The following PTPRN2 variants were observed in gnomAD, a reference collection of about 807,000 sequenced individuals.
The protein encoded by PTPRN2 is protein tyrosine phosphatase receptor type N2, also known as receptor-type tyrosine-protein phosphatase N2.
PTPRN2 carries 74 observed loss-of-function variants against 118.8 expected under a neutral mutation model. The observed-to-expected ratio is 0.62, with a 90% confidence interval of 0.52 to 0.76. PTPRN2 has a LOEUF of 0.76. Among genes scored for constraint, PTPRN2 ranks in the 30% least tolerant of loss-of-function variants. The probability of loss-of-function intolerance (pLI) is 0.00; values close to 1 mark genes in which losing one functional copy is unlikely to be tolerated. For missense variants in PTPRN2, 1,481 were observed against 1,394.4 expected (o/e 1.06, Z -0.99); for synonymous variants, 641 against 608.0 (o/e 1.05, Z -0.80).
chr7:157,972,971 G>A (rs549166662), intron 11 of PTPRN2, among the ~76,000 whole-genome samples: 107 of 151,760 alleles, frequency 7.1e-4, no homozygotes, highest in African/African-American at 2.5e-3. Flanking sequence ...TTCAGAGACC[G>A]TAGGAATTCA....
At chr7:158,144,659 G>A (rs1346950943) in intron 6 of PTPRN2, among the ~76,000 whole-genome samples, 1 of 152,036 alleles carries the variant, frequency 6.6e-6, no homozygotes, top group African/African-American at 2.4e-5. Flanking sequence ...AAGGAGAAGG[G>A]GGACATCAGC....
chr7:158,034,118 T>G (rs1473361275), intron 11 of PTPRN2, among the ~76,000 whole-genome samples: 1 of 151,828 alleles, frequency 6.6e-6, no homozygotes, highest in African/African-American at 2.4e-5. Flanking sequence ...GCTCTGCGTG[T>G]GGCTGGCTGC....
intron 3 of PTPRN2, among the ~76,000 whole-genome samples, chr7:158,268,183 G>A (rs111904585): frequency 0.01 from 1,553 of 152,296 alleles, 24 homozygotes; most frequent in African/African-American, 0.035. Flanking sequence ...ACACAATGCC[G>A]CCTGCAAAAG....
intron 12 of PTPRN2, among the ~76,000 whole-genome samples, chr7:157,689,122 C>G (rs956795215): frequency 1.3e-5 from 2 of 152,218 alleles, no homozygotes; most frequent in Admixed American, 6.5e-5. Flanking sequence ...TTCTCTGGAG[C>G]GCAGAGGGGT....
chr7:157,921,404 C>T (rs1333166054), intron 11 of PTPRN2, among the ~76,000 whole-genome samples: 3 of 152,162 alleles, frequency 2.0e-5, no homozygotes, highest in Non-Finnish European at 2.9e-5. Context: ...ATGATGGATA[C>T]GTGTCATCAT....
rs1233837721 is a variant in PTPRN2 at position 158,093,323 on chromosome 7, C to T, written c.1644-11946G>A. On this transcript the variant is annotated intron_variant, in intron 10 of 22. Transcript: ENST00000389418. The surrounding 1 kb of genome is among the most constrained non-coding windows in gnomAD (Gnocchi z 4.4). ...TGTAGACCCACACGCAGGCCTGCAC[C>T]GTCCTTTCCTGACTCTGCCGCTGGA... Among the ~76,000 whole-genome samples the T allele has an allele frequency of 1.5e-5, 2 of 134,000 alleles. No homozygotes were observed. The highest frequency in any genetic ancestry group is 2.3e-4 in the East Asian group (1 of 4,264). The allele number at this position is 134,000 out of a possible 152,430, so 87.9% of individuals were successfully genotyped here. A position where few individuals can be genotyped will look rare whatever the true frequency, so the allele number is the denominator to read the frequency against.
intron 12 of PTPRN2, among the ~76,000 whole-genome samples, chr7:157,776,009 C>T (rs892565276): frequency 1.3e-5 from 2 of 151,838 alleles, no homozygotes; most frequent in African/African-American, 2.4e-5. Flanking sequence ...GCTGTGTACT[C>T]GGAGGTGGGC....
Position 158,236,864 on chromosome 7 carries a change from T to C in PTPRN2, c.278-31591A>G, listed in dbSNP as rs1205214022. ...AGAAGTAGACATAGGAGACTCCATT[T>C]TGTTATGTACTAAGAAAAATTCTTC... On this transcript the variant is annotated intron_variant, in intron 3 of 22. Coordinates refer to ENST00000389418, the MANE Select transcript of PTPRN2 (RefSeq NM_002847.5). Among the ~76,000 whole-genome samples the C allele has an allele frequency of 1.9e-4, 2 of 10,632 alleles. 1 individual carries two copies. Among genetic ancestry groups the C allele is most frequent in the African/African-American group, 1.5e-3 (2 of 1,364 alleles). 7.0% of individuals were successfully genotyped at this position (10,632 alleles called of 152,430 possible).
chr7:158,146,720 C>CAA (rs1380414832), intron 6 of PTPRN2, among the ~76,000 whole-genome samples: 103 of 88,582 alleles, frequency 1.2e-3, no homozygotes, highest in African/African-American at 2.0e-3. Context: ...GACTCTGCCT[C>CAA]AAAAAAAAAA....
rs189422896 is a variant in PTPRN2, at chr7:157,780,243, T to G, written c.1789-97306A>C. On this transcript the variant is annotated intron_variant, in intron 12 of 22. Coordinates refer to ENST00000389418, the MANE Select transcript of PTPRN2 (RefSeq NM_002847.5). This position sits in a 1 kb window ranked among gnomAD's most constrained non-coding sequence, Gnocchi z 4.5. ...AAGGACGTTCCTCAGAGCAAGGCAT[T>G]TGCTCGCTCCCCTTGCTCCTTACAC... 2.6e-4 allele frequency among the ~76,000 whole-genome samples: 40 copies of G among 152,258 alleles called. No homozygotes were observed. Among genetic ancestry groups the G allele is most frequent in the African/African-American group, 9.6e-4 (40 of 41,560 alleles).
At chr7:157,853,967 C>G (rs916410402) in intron 12 of PTPRN2, among the ~76,000 whole-genome samples, 2 of 152,202 alleles carry the variant, frequency 1.3e-5, no homozygotes, top group African/African-American at 4.8e-5. Flanking sequence ...ACGGAGACGG[C>G]ACCCACAAGC....
At chr7:157,688,624 C>T (rs1264005552) in intron 12 of PTPRN2, among the ~76,000 whole-genome samples, 1 of 152,236 alleles carries the variant, frequency 6.6e-6, no homozygotes, top group African/African-American at 2.4e-5. Flanking sequence ...CTTCTCGGGA[C>T]GGGGCCTGGC....
intron 2 of PTPRN2, among the ~76,000 whole-genome samples, chr7:158,326,579 T>A (rs1241800004): frequency 6.6e-6 from 1 of 151,796 alleles, no homozygotes. Context: ...CACATACACG[T>A]CCTCACACAT....
At chr7:157,597,038 G>A (rs370804069) in intron 16 of PTPRN2, among the ~76,000 whole-genome samples, 28 of 152,254 alleles carry the variant, frequency 1.8e-4, no homozygotes, top group African/African-American at 6.3e-4. Context: ...CCGTGCAGCC[G>A]TCACCAGCCC....
intron 11 of PTPRN2, among the ~76,000 whole-genome samples, chr7:157,991,095 G>A (rs1166301181): frequency 6.6e-6 from 1 of 152,102 alleles, no homozygotes; most frequent in Non-Finnish European, 1.5e-5. Context: ...CACTGCCAGG[G>A]CTGCTGGATA....
At chr7:158,323,430 T>C (rs562780593) in intron 2 of PTPRN2, among the ~76,000 whole-genome samples, 1 of 152,244 alleles carries the variant, frequency 6.6e-6, no homozygotes, top group South Asian at 2.1e-4. Flanking sequence ...TGGACAGTGC[T>C]AAAGACAGTG....
rs1803884145 is a variant in PTPRN2, at chr7:157,987,397, G to C, written c.1724-88660C>G. Among the ~76,000 whole-genome samples, 1 of 151,824 alleles carries C rather than the reference G, an allele frequency of 6.6e-6. No individual in the cohort carries two copies. The highest frequency in any genetic ancestry group is 2.4e-5 in the African/African-American group (1 of 41,292). On this transcript the variant is annotated intron_variant, in intron 11 of 22. Coordinates refer to ENST00000389418, the MANE Select transcript of PTPRN2 (RefSeq NM_002847.5). This position sits in a 1 kb window ranked among gnomAD's most constrained non-coding sequence, Gnocchi z 4.3. Reference sequence around the variant, plus strand: ...AACCGGTCACTAACGGGGGCAATATGACCCCTCACTAATGGGGTGATCGGT... The same window carrying C: ...AACCGGTCACTAACGGGGGCAATATCACCCCTCACTAATGGGGTGATCGGT...
intron 3 of PTPRN2, among the ~76,000 whole-genome samples, chr7:158,262,930 C>T (rs1338432858): frequency 6.9e-6 from 1 of 144,262 alleles, no homozygotes; most frequent in Non-Finnish European, 1.5e-5. Context: ...CACATTCACA[C>T]ACTGCACACA....
At chr7:158,159,284 C>T (rs1822146960) in intron 6 of PTPRN2, among the ~76,000 whole-genome samples, 2 of 152,246 alleles carry the variant, frequency 1.3e-5, no homozygotes, top group African/African-American at 2.4e-5. Flanking sequence ...GCAGCAGAAA[C>T]AAGTTCTTCC....
Sources: allele counts gnomAD v4.1 joint callset (sites outside exome capture counted in the v4.1 genomes callset), GRCh38; gene constraint gnomAD v4.1.1; non-coding constraint Gnocchi (gnomAD v3.1); transcripts MANE v1.5; gene names NCBI Gene and HGNC (gene_info 2026-07-23, HGNC 2026-07-21).